SWT1: variants seen among roughly 807,000 people sequenced by gnomAD.
The protein encoded by SWT1 is transcriptional protein SWT1.
Under a neutral mutation model 107.3 loss-of-function variants are expected in SWT1, and 33 were observed. The ratio of observed to expected loss-of-function variants is 0.31; its 90% CI spans 0.23 to 0.41. The LOEUF is 0.41. SWT1 is among the 10% of genes least tolerant of loss of function. SWT1 has a pLI of 1.00. For synonymous variants in SWT1, 345 were observed against 348.3 expected, an observed-to-expected ratio of 0.99 and a Z score of 0.11; for missense variants, 898 against 1,028.9, an observed-to-expected ratio of 0.87 and a Z score of 1.74.
chr1:185,206,827 C>T, intron 13 of SWT1, 64 bp downstream of exon 13: 1 of 1,145,078 alleles, frequency 8.7e-7, no homozygotes, highest in Non-Finnish European at 1.2e-6. Flanking sequence ...GATATATTTC[C>T]TGGGATGTGA....
chr1:185,210,083 G>T (rs79652447), intron 13 of SWT1, among the ~76,000 whole-genome samples: 1 of 152,084 alleles, frequency 6.6e-6, no homozygotes, highest in East Asian at 1.9e-4. Flanking sequence ...TTTTTTTCTT[G>T]TAAATCTATT....
intron 14 of SWT1, among the ~76,000 whole-genome samples, chr1:185,219,603 G>A (rs1659482438): frequency 6.6e-6 from 1 of 152,068 alleles, no homozygotes; most frequent in Non-Finnish European, 1.5e-5. Context: ...ATTTATAGTA[G>A]AGCCAAGACC....
At chr1:185,205,624 C>G (rs1417049611) in intron 12 of SWT1, among the ~76,000 whole-genome samples, 1 of 152,330 alleles carries the variant, frequency 6.6e-6, no homozygotes, top group Middle Eastern at 3.4e-3. Context: ...CTGTCTCAGC[C>G]TCCCATAGTG....
At chr1:185,243,759 A>C (rs187574432) in intron 16 of SWT1, among the ~76,000 whole-genome samples, 35 of 152,314 alleles carry the variant, frequency 2.3e-4, no homozygotes, top group Non-Finnish European at 4.7e-4. Context: ...TTTTTTGCTA[A>C]TATTAAGCTA....
intron 15 of SWT1, chr1:185,227,595 A>G (rs896931977): frequency 5.9e-6 from 3 of 509,266 alleles, no homozygotes; most frequent in African/African-American, 3.9e-5. Flanking sequence ...ATTATCACCA[A>G]GCGTTTCCAA....
intron 2 of SWT1, among the ~76,000 whole-genome samples, chr1:185,162,231 A>T (rs1056572487): frequency 1.3e-5 from 2 of 152,214 alleles, no homozygotes; most frequent in Admixed American, 6.5e-5. Context: ...AAAAAGGTTT[A>T]GTCAGACTTT....
At chr1:185,192,926 G>A (rs1256769718) in intron 10 of SWT1, among the ~76,000 whole-genome samples, 1 of 152,092 alleles carries the variant, frequency 6.6e-6, no homozygotes, top group Non-Finnish European at 1.5e-5. Context: ...GGAATTACAA[G>A]TATGAGCCAC....
At chr1:185,236,465 G>A (rs1660884527) in intron 16 of SWT1, among the ~76,000 whole-genome samples, 1 of 152,140 alleles carries the variant, frequency 6.6e-6, no homozygotes, top group African/African-American at 2.4e-5. Flanking sequence ...ACAAGCAATG[G>A]GGAAAGGATT....
chr1:185,194,371 A>C (rs1657211376), intron 10 of SWT1, among the ~76,000 whole-genome samples: 1 of 151,770 alleles, frequency 6.6e-6, no homozygotes, highest in African/African-American at 2.4e-5. Flanking sequence ...CTTTTGGATT[A>C]ATTGTGCATT....
intron 5 of SWT1, among the ~76,000 whole-genome samples, chr1:185,178,218 G>A (rs763546868): frequency 3.3e-5 from 5 of 152,196 alleles, no homozygotes; most frequent in Admixed American, 2.6e-4. Flanking sequence ...GTATGTAATG[G>A]CACAGAGTTG....
chr1:185,257,092 C>T (rs1433226267), intron 16 of SWT1, among the ~76,000 whole-genome samples: 5 of 152,058 alleles, frequency 3.3e-5, no homozygotes, highest in South Asian at 2.1e-4. Context: ...TTAGGCTGCT[C>T]GGGGGTCAGG....
At chr1:185,195,431 C>T (rs1287999017) in intron 10 of SWT1, among the ~76,000 whole-genome samples, 1 of 152,190 alleles carries the variant, frequency 6.6e-6, no homozygotes, top group Non-Finnish European at 1.5e-5. Flanking sequence ...CAAGTCTTTG[C>T]TATTGTGAAT....
At chr1:185,272,166 A>G (rs1663914554) in intron 17 of SWT1, among the ~76,000 whole-genome samples, 1 of 152,220 alleles carries the variant, frequency 6.6e-6, no homozygotes, top group Admixed American at 6.5e-5. Flanking sequence ...GAGAGCTATA[A>G]TTTAGTTTCC....
chr1:185,158,315 A>T (rs1041953897), intron 1 of SWT1, among the ~76,000 whole-genome samples: 2 of 151,780 alleles, frequency 1.3e-5, no homozygotes, highest in African/African-American at 4.8e-5. Flanking sequence ...GGAACAGATT[A>T]TCCCTGTGGA....
intron 18 of SWT1, among the ~76,000 whole-genome samples, chr1:185,278,570 A>G (rs1217590919): frequency 6.6e-6 from 1 of 152,192 alleles, no homozygotes; most frequent in African/African-American, 2.4e-5. Flanking sequence ...TTGCCTTCCA[A>G]TACCCTCCAC....
intron 16 of SWT1, among the ~76,000 whole-genome samples, chr1:185,248,196 G>A (rs967621036): frequency 5.3e-5 from 8 of 152,192 alleles, no homozygotes; most frequent in Non-Finnish European, 1.5e-5. Flanking sequence ...GTAGTTCAGT[G>A]TGTTTCCACC....
At chr1:185,232,163 A>G (rs1660554074) in intron 16 of SWT1, among the ~76,000 whole-genome samples, 1 of 152,206 alleles carries the variant, frequency 6.6e-6, no homozygotes, top group Non-Finnish European at 1.5e-5. Context: ...CTTATAATAA[A>G]AAGTTATCTA....
At position 185,192,586 on chromosome 1, in the gene SWT1, C is replaced by G. The variant is rs139958694; in HGVS notation, c.1523+1944C>G. On this transcript the variant is annotated intron_variant, in intron 10 of 18. Coordinates refer to ENST00000367500, the MANE Select transcript of SWT1 (RefSeq NM_017673.7). ...ACAAATCTAAACTATACAATGTTGA[C>G]AAATGGGTGCACTGGTGTAGCTCAC... Among the ~76,000 whole-genome samples the G allele has an allele frequency of 3.3e-3, 502 of 151,698 alleles. 4 individuals are homozygous for G. The highest frequency in any genetic ancestry group is 0.012 in the African/African-American group (479 of 41,372).
At chr1:185,219,928 A>G (rs1034274961) in intron 14 of SWT1, among the ~76,000 whole-genome samples, 2 of 151,720 alleles carry the variant, frequency 1.3e-5, no homozygotes, top group African/African-American at 4.8e-5. Flanking sequence ...TTGTGCCACA[A>G]CCAGTCTGGG....
Sources: allele counts gnomAD v4.1 joint callset (sites outside exome capture counted in the v4.1 genomes callset), GRCh38; gene constraint gnomAD v4.1.1; transcripts MANE v1.5; gene names NCBI Gene and HGNC (gene_info 2026-07-23, HGNC 2026-07-21).